The following FRMD3 variants were observed in gnomAD, a reference collection of about 807,000 sequenced individuals.
FRMD3 encodes FERM domain containing 3.
FRMD3 carries 33 observed loss-of-function variants against 70.2 expected under a neutral mutation model. The ratio of observed to expected loss-of-function variants is 0.47; its 90% CI spans 0.36 to 0.63. The LOEUF (loss-of-function observed/expected upper bound fraction) is 0.63. FRMD3 is among the 20% of genes least tolerant of loss of function. The pLI, the probability that FRMD3 is intolerant of heterozygous loss-of-function variation, is 0.00. For synonymous variants in FRMD3, 279 were observed against 255.9 expected (o/e 1.09, Z -0.86); for missense variants, 632 against 711.4 (o/e 0.89, Z 1.27).
chr9:83,329,527 T>C lies in FRMD3; in HGVS notation c.596+5989A>G, dbSNP rs55873040. Reference sequence around the variant, plus strand: ...GATATTTTTCATGTCAGGGTATTTGTTTCTAGAAACCTAGACGTTTTTAAA... The same window carrying C: ...GATATTTTTCATGTCAGGGTATTTGCTTCTAGAAACCTAGACGTTTTTAAA... On this transcript the variant is annotated intron_variant, in intron 6 of 13. Coordinates refer to ENST00000304195, the MANE Select transcript of FRMD3 (RefSeq NM_174938.6). Among the ~76,000 whole-genome samples, 1,176 of 152,382 alleles carry C rather than the reference T, an allele frequency of 7.7e-3. 14 individuals carry two copies. The highest frequency in any genetic ancestry group is 0.025 in the African/African-American group (1,026 of 41,588).
intron 1 of FRMD3, among the ~76,000 whole-genome samples, chr9:83,443,280 T>C (rs1300342918): frequency 1.3e-5 from 2 of 152,186 alleles, no homozygotes; most frequent in Non-Finnish European, 2.9e-5. Context: ...CCTAATGCTA[T>C]CCCTCCCCTA....
At chr9:83,503,583 A>C (rs959534126) in intron 1 of FRMD3, among the ~76,000 whole-genome samples, 9 of 152,230 alleles carry the variant, frequency 5.9e-5, no homozygotes, top group African/African-American at 2.2e-4. Flanking sequence ...GAACCCAGCC[A>C]AGCCTGCCCA....
At chr9:83,294,531 T>C (rs931765663) in intron 12 of FRMD3, among the ~76,000 whole-genome samples, 2 of 152,222 alleles carry the variant, frequency 1.3e-5, no homozygotes, top group African/African-American at 4.8e-5. Flanking sequence ...ATACGCAAAT[T>C]TGAATGGCTA....
the FRMD3 span, among the ~76,000 whole-genome samples, chr9:83,545,356 G>GTT: frequency 4.4e-3 from 515 of 117,528 alleles, 11 homozygotes; most frequent in African/African-American, 3.7e-3. Context: ...GTTTTTTTTT[G>GTT]TTTTTTTTTT....
At chr9:83,316,465 C>A (rs140823458) in intron 6 of FRMD3, among the ~76,000 whole-genome samples, 4 of 152,238 alleles carry the variant, frequency 2.6e-5, no homozygotes, top group African/African-American at 7.2e-5. Flanking sequence ...CCACCTTTTT[C>A]TTTTAATAGA....
intron 4 of FRMD3, among the ~76,000 whole-genome samples, chr9:83,346,455 A>G (rs1010178747): frequency 6.6e-6 from 1 of 152,162 alleles, no homozygotes; most frequent in African/African-American, 2.4e-5. Flanking sequence ...AAGGCTACAC[A>G]TTGCATGCTT....
At position 83,335,623 on chromosome 9, in the gene FRMD3, G is replaced by C; in HGVS notation, c.489C>G (p.Tyr163Ter). The stretch of plus-strand genomic sequence containing the variant: ...AATTCTCAGGATGCTCATCAGGATC[G>C]TAATCACCAAGCTCAGCTGTAATGA... ...ACIVQAELGD[Y>*]DPDEHPENYI... Residue 163 changes from tyrosine (Y) to a stop codon, truncating the protein, a stop_gained, in exon 6 of 14, where the codon TAC becomes TAG. Transcript: ENST00000304195. LOFTEE classifies it high-confidence loss of function. 6.2e-7 allele frequency: 1 copy of C among 1,612,520 alleles called. No homozygotes were observed. The highest frequency in any genetic ancestry group is 8.5e-7 in the Non-Finnish European group (1 of 1,178,978).
chr9:83,546,077 C>T, the FRMD3 span, among the ~76,000 whole-genome samples: 1 of 149,958 alleles, frequency 6.7e-6, no homozygotes, highest in African/African-American at 2.4e-5. Context: ...AAAAAAAAAG[C>T]CAGGCATGGT....
At chr9:83,553,234 T>A in the FRMD3 span, among the ~76,000 whole-genome samples, 3 of 152,212 alleles carry the variant, frequency 2.0e-5, no homozygotes, top group African/African-American at 7.2e-5. Context: ...CATAAGAAGC[T>A]TAGTTTGGCT....
rs368388484 is a variant in FRMD3 at position 83,248,074 on chromosome 9, G to A, written c.1638C>T (p.Leu546=). The stretch of plus-strand genomic sequence containing the variant: ...CAATACCTGACTCCAAAAGGAGGAG[G>A]AGCAGGGGAAATACAAAGAGCAGCA... The part of the protein sequence containing the change: ...LGLLLFVFPL[L]LLLLESGIDL... Residue 546 remains leucine (L), a synonymous_variant, in exon 14 of 14, where the codon CTC becomes CTT. Transcript: ENST00000304195. The A allele has an allele frequency of 9.3e-6, 15 of 1,614,034 alleles. No homozygotes were observed. The highest frequency in any genetic ancestry group is 1.3e-5 in the Non-Finnish European group (15 of 1,180,042).
At position 83,265,324 on chromosome 9, in the gene FRMD3, C is replaced by T. The variant is rs553261116; in HGVS notation, c.1196-16808G>A. 5.5e-3 allele frequency among the ~76,000 whole-genome samples: 816 copies of T among 147,876 alleles called. 3 individuals carry two copies. Among genetic ancestry groups the T allele is most frequent in the Non-Finnish European group, 9.6e-3 (647 of 67,326 alleles). On this transcript the variant is annotated intron_variant, in intron 13 of 13. Coordinates refer to ENST00000304195, the MANE Select transcript of FRMD3 (RefSeq NM_174938.6). ...CTGAGGCAGGAGAATGGTGTGAACC[C>T]GGGAGGTGGAGCTTGCAGTGAGCCG...
intron 3 of FRMD3, among the ~76,000 whole-genome samples, chr9:83,368,885 G>A (rs148325681): frequency 9.9e-5 from 15 of 151,322 alleles, no homozygotes; most frequent in African/African-American, 2.9e-4. Flanking sequence ...AACAGAGTTC[G>A]TTTTTGTTGC....
At chr9:83,374,090 T>C (rs1285236060) in intron 2 of FRMD3, among the ~76,000 whole-genome samples, 1 of 152,188 alleles carries the variant, frequency 6.6e-6, no homozygotes, top group Non-Finnish European at 1.5e-5. Flanking sequence ...GGGCTCAGGA[T>C]GTTAAACAGC....
intron 1 of FRMD3, among the ~76,000 whole-genome samples, chr9:83,391,500 C>G (rs1825663981): frequency 6.6e-6 from 1 of 152,174 alleles, no homozygotes; most frequent in Non-Finnish European, 1.5e-5. Flanking sequence ...CTACCATATT[C>G]CAGATATGTG....
At chr9:83,294,238 A>G (rs1336911952) in intron 12 of FRMD3, among the ~76,000 whole-genome samples, 1 of 152,208 alleles carries the variant, frequency 6.6e-6, no homozygotes, top group African/African-American at 2.4e-5. Context: ...ACCATCTATG[A>G]GGAAGCAGGT....
At chr9:83,302,464 G>A (rs908626687) in intron 10 of FRMD3, among the ~76,000 whole-genome samples, 1 of 152,054 alleles carries the variant, frequency 6.6e-6, no homozygotes, top group African/African-American at 2.4e-5. Flanking sequence ...GCTGAGCCTC[G>A]GTTTCTCTAC....
intron 6 of FRMD3, among the ~76,000 whole-genome samples, chr9:83,319,667 T>G (rs35695663): frequency 0.011 from 1,706 of 152,274 alleles, 25 homozygotes; most frequent in Non-Finnish European, 0.017. Context: ...AGTGACCATG[T>G]GTTGTGGGAG....
chr9:83,488,972 T>TGTGTGTGTGTG, intron 1 of FRMD3, among the ~76,000 whole-genome samples: 1 of 135,640 alleles, frequency 7.4e-6, no homozygotes, highest in South Asian at 2.5e-4. Context: ...CCCTATACCT[T>TGTGTGTGTGTG]TGTGTGTGTG....
chr9:83,391,505 T>C (rs1265585917), intron 1 of FRMD3, among the ~76,000 whole-genome samples: 1 of 152,208 alleles, frequency 6.6e-6, no homozygotes, highest in African/African-American at 2.4e-5. Flanking sequence ...ATATTCCAGA[T>C]ATGTGGGTCA....
Sources: gnomAD v4.1 joint callset for allele counts (sites outside exome capture counted in the v4.1 genomes callset) on GRCh38, gnomAD v4.1.1 for gene constraint, MANE v1.5 for transcripts, NCBI Gene and HGNC (gene_info 2026-07-23, HGNC 2026-07-21) for gene names.